Variants in SYTL3 observed in about 807,000 individuals in gnomAD.
The protein encoded by SYTL3 is synaptotagmin like 3.
A neutral mutation model predicts 82.1 loss-of-function variants in SYTL3; 88 were observed. That is an observed-to-expected ratio of 1.07 (90% CI 0.90 to 1.28). The LOEUF is 1.28. Ranked by LOEUF, SYTL3 falls within the 50% of genes most tolerant of loss-of-function variation. The pLI is 0.00. For missense variants in SYTL3, 831 were observed against 757.6 expected (o/e 1.10, Z -1.14); for synonymous variants, 311 against 289.4 (o/e 1.07, Z -0.76).
intron 2 of SYTL3, among the ~76,000 whole-genome samples, chr6:158,658,312 A>C (rs1288288372): frequency 7.2e-5 from 11 of 152,246 alleles, no homozygotes; most frequent in Non-Finnish European, 1.5e-5. Flanking sequence ...TGTATGATTT[A>C]TATGAAAATG....
intron 2 of SYTL3, among the ~76,000 whole-genome samples, chr6:158,653,631 T>C (rs1788315751): frequency 6.6e-6 from 1 of 152,254 alleles, no homozygotes; most frequent in South Asian, 2.1e-4. Context: ...GGCTGCACGC[T>C]GAAGCTGTGA....
At chr6:158,660,196 C>T (rs1454318928) in intron 2 of SYTL3, among the ~76,000 whole-genome samples, 2 of 152,032 alleles carry the variant, frequency 1.3e-5, no homozygotes, top group African/African-American at 2.4e-5. Flanking sequence ...ACCCAGGAGG[C>T]GGAGGTTGCA....
chr6:158,702,952 A>T (rs994981668), intron 6 of SYTL3, among the ~76,000 whole-genome samples: 1 of 151,980 alleles, frequency 6.6e-6, no homozygotes, highest in East Asian at 1.9e-4. Context: ...CAGGAGATCG[A>T]GACCATCCTG....
chr6:158,756,421 T>A (rs1032150769), intron 13 of SYTL3, among the ~76,000 whole-genome samples: 3 of 152,054 alleles, frequency 2.0e-5, no homozygotes, highest in African/African-American at 4.8e-5. Context: ...AATAAATAAA[T>A]AAATGCAGGC....
Position 158,722,069 on chromosome 6 carries a change from G to A in SYTL3, c.721-3434G>A, listed in dbSNP as rs113450636. Among the ~76,000 whole-genome samples the A allele has an allele frequency of 6.4e-3, 975 of 152,334 alleles. 8 individuals are homozygous for A. The highest frequency in any genetic ancestry group is 0.022 in the African/African-American group (906 of 41,564). On this transcript the variant is annotated intron_variant, in intron 10 of 17. Coordinates refer to ENST00000611299, the MANE Select transcript of SYTL3 (RefSeq NM_001242394.2). ...ATTAATTATAGAACACGGTGGCCCT[G>A]CTTTGGAAGTAGAGGATGCTGGTGC...
chr6:158,741,907 G>A (rs532307211), intron 11 of SYTL3, among the ~76,000 whole-genome samples: 7 of 152,292 alleles, frequency 4.6e-5, no homozygotes, highest in South Asian at 4.1e-4. Flanking sequence ...GAGCAGCTTC[G>A]ATGATTGCTC....
intron 5 of SYTL3, among the ~76,000 whole-genome samples, chr6:158,677,545 TAA>T (rs71542927): frequency 6.8e-6 from 1 of 146,904 alleles, no homozygotes; most frequent in African/African-American, 2.5e-5. Flanking sequence ...AAACTTATAA[TAA>T]AAAAAAAATG....
Position 158,713,784 on chromosome 6 carries a change from T to C in SYTL3, c.517-16T>C. On this transcript the variant is annotated splice_polypyrimidine_tract_variant and intron_variant, in intron 8 of 17. Coordinates refer to ENST00000611299, the MANE Select transcript of SYTL3 (RefSeq NM_001242394.2). Reference sequence around the variant, plus strand: ...TCAAGCATAATTCTCATTCTCTCCTTCTGTCTCTGTTTTAGTTACAGGAAT... The same window carrying C: ...TCAAGCATAATTCTCATTCTCTCCTCCTGTCTCTGTTTTAGTTACAGGAAT... 1 of 1,527,806 alleles carries C rather than the reference T, an allele frequency of 6.5e-7. No individual in the cohort carries two copies. Among genetic ancestry groups the C allele is most frequent in the Non-Finnish European group, 8.9e-7 (1 of 1,125,702 alleles). 94.6% of individuals were successfully genotyped at this position (1,527,806 alleles called of 1,614,324 possible). A position where few individuals can be genotyped will look rare whatever the true frequency, so the allele number is the denominator to read the frequency against.
Position 158,693,855 on chromosome 6 carries a change from C to CTT in SYTL3, c.394+10883_394+10884dup, listed in dbSNP as rs575358067. On this transcript the variant is annotated intron_variant, in intron 6 of 17. Transcript: ENST00000611299. Reference sequence around the variant, plus strand: ...TGCATCCAGCCTTTCTTTTTCTTTTCTTTTTTTTTTTTTTTTTTGTAGATA... The same window carrying CTT: ...TGCATCCAGCCTTTCTTTTTCTTTTCTTTTTTTTTTTTTTTTTTTTGTAGATA... 1.4e-4 allele frequency among the ~76,000 whole-genome samples: 14 copies of CTT among 96,860 alleles called. 2 individuals carry two copies. The highest frequency in any genetic ancestry group is 6.5e-4 in the South Asian group (2 of 3,080). The allele number at this position is 96,860 out of a possible 152,430, so 63.5% of individuals were successfully genotyped here.
chr6:158,754,792 C>T (rs140579224), intron 13 of SYTL3, among the ~76,000 whole-genome samples: 158 of 152,308 alleles, frequency 1.0e-3, no homozygotes, highest in African/African-American at 3.3e-3. Context: ...CAGAAAGGGG[C>T]GAGCAATGGG....
At chr6:158,706,822 G>T (rs1562402307) in intron 6 of SYTL3, among the ~76,000 whole-genome samples, 1 of 152,108 alleles carries the variant, frequency 6.6e-6, no homozygotes, top group Admixed American at 6.6e-5. Flanking sequence ...TCATCACAAG[G>T]CAAGCTTACA....
chr6:158,751,783 A>C (rs778888809), intron 12 of SYTL3, 145 bp from the exon 13 acceptor site: 2 of 594,396 alleles, frequency 3.4e-6, no homozygotes, highest in Non-Finnish European at 5.8e-6. Flanking sequence ...CTATTAGGCT[A>C]TTAAGTCCTT....
chr6:158,673,524 C>T (rs1245729505), intron 5 of SYTL3, among the ~76,000 whole-genome samples: 1 of 150,678 alleles, frequency 6.6e-6, no homozygotes, highest in Non-Finnish European at 1.5e-5. Context: ...ACTGCCAGCT[C>T]CACCTCCCAG....
intron 5 of SYTL3, among the ~76,000 whole-genome samples, chr6:158,675,032 TCCTTACA>T (rs2128391673): frequency 6.6e-6 from 1 of 152,202 alleles, no homozygotes; most frequent in East Asian, 1.9e-4. Context: ...CTGGATCCCT[TCCTTACA>T]CCTTATACAA....
intron 6 of SYTL3, among the ~76,000 whole-genome samples, chr6:158,699,294 C>A (rs1780898205): frequency 6.6e-6 from 1 of 152,188 alleles, no homozygotes; most frequent in Non-Finnish European, 1.5e-5. Context: ...AGCAACAGGG[C>A]CCGCATCTGC....
upstream of SYTL3, among the ~76,000 whole-genome samples, chr6:158,648,454 G>A (rs537243902): frequency 6.6e-5 from 10 of 151,704 alleles, no homozygotes; most frequent in Non-Finnish European, 1.2e-4. Flanking sequence ...AGCTGGGTGC[G>A]GTGGTGGGCG....
chr6:158,686,663 C>T (rs772426468), intron 6 of SYTL3, among the ~76,000 whole-genome samples: 27 of 152,158 alleles, frequency 1.8e-4, no homozygotes, highest in Non-Finnish European at 3.2e-4. Flanking sequence ...ATTTGTGCTG[C>T]AGCAGTTAAG....
chr6:158,717,648 T>C (rs1455094398), intron 9 of SYTL3, among the ~76,000 whole-genome samples: 1 of 152,220 alleles, frequency 6.6e-6, no homozygotes, highest in African/African-American at 2.4e-5. Context: ...ATCTTATTTT[T>C]ACCTCGCTTC....
At position 158,695,708 on chromosome 6, in the gene SYTL3, C is replaced by G. The variant is rs117468089; in HGVS notation, c.395-11522C>G. On this transcript the variant is annotated intron_variant, in intron 6 of 17. Transcript: ENST00000611299. ...ATAACTCTCCATCCTCCCCTTCCCC[C>G]ACTGTCCTACATTCTGTCTTTATGA... Among the ~76,000 whole-genome samples the G allele has an allele frequency of 1.8e-4, 27 of 152,310 alleles. 1 individual carries two copies. The East Asian group carries it at 5.2e-3, about 29-fold the overall frequency.
Sources: gnomAD v4.1 joint callset for allele counts (sites outside exome capture counted in the v4.1 genomes callset) on GRCh38, gnomAD v4.1.1 for gene constraint, MANE v1.5 for transcripts, NCBI Gene and HGNC (gene_info 2026-07-23, HGNC 2026-07-21) for gene names.